DELE1: variants seen among roughly 807,000 people sequenced by gnomAD.
DELE1 encodes DAP3 binding cell death enhancer 1.
In DELE1, 54 loss-of-function variants were observed where a neutral mutation model predicts 59.3. The ratio of observed to expected loss-of-function variants is 0.91; its 90% CI spans 0.73 to 1.14. DELE1 has a LOEUF of 1.14. Ranked by LOEUF, DELE1 falls within the 50% of genes most tolerant of loss-of-function variation. DELE1 has a pLI of 0.00. For synonymous variants in DELE1, 264 were observed against 259.1 expected (o/e 1.02, Z -0.18); for missense variants, 636 against 643.9 (o/e 0.99, Z 0.13).
intron 11 of DELE1, among the ~76,000 whole-genome samples, chr5:141,938,234 T>G (rs1480906818): frequency 6.6e-6 from 1 of 152,194 alleles, no homozygotes. Context: ...ACTCATTAAG[T>G]TGTCATAAGG....
Position 141,941,864 on chromosome 5 carries a change from C to T in DELE1, c.*3105C>T, listed in dbSNP as rs1309644253. On this transcript the variant is annotated 3_prime_UTR_variant, in exon 12 of 12. Coordinates refer to ENST00000432126, the MANE Select transcript of DELE1 (RefSeq NM_014773.5). ...CACCCAATGCCCAGCACCAAGCCTA[C>T]CCAGCACATAGTAGGTACTTTAAGT... 1.0e-6 allele frequency: 1 copy of T among 985,136 alleles called. No individual in the cohort carries two copies. The highest frequency in any genetic ancestry group is 1.2e-6 in the Non-Finnish European group (1 of 829,870). The allele number at this position is 985,136 out of a possible 1,614,324, so 61.0% of individuals were successfully genotyped here.
Position 141,937,375 on chromosome 5 carries a change from A to G in DELE1, c.1309+18A>G, listed in dbSNP as rs1398885144. 5.6e-6 allele frequency: 9 copies of G among 1,613,020 alleles called. No individual in the cohort carries two copies. Among genetic ancestry groups the G allele is most frequent in the Non-Finnish European group, 7.6e-6 (9 of 1,179,800 alleles). On this transcript the variant is annotated intron_variant, in intron 11 of 11. Transcript: ENST00000432126. The stretch of plus-strand genomic sequence containing the variant: ...GGCTGCAGGTACAGACCCAAGTCCA[A>G]GCCAACAGGTTCATTCCCTGAGCTC...
At chr5:141,924,524 A>G (rs990676500) in intron 1 of DELE1, 57 bp from the exon 2 acceptor site, 2 of 979,690 alleles carry the variant, frequency 2.0e-6, no homozygotes, top group Non-Finnish European at 3.3e-6. Flanking sequence ...GCTGAGGCAG[A>G]TGACAGTGAT....
intron 7 of DELE1, among the ~76,000 whole-genome samples, chr5:141,931,869 C>T (rs1751939880): frequency 6.6e-6 from 1 of 152,098 alleles, no homozygotes; most frequent in Non-Finnish European, 1.5e-5. Context: ...TTGCCCATCC[C>T]TTCATTCATA....
At chr5:141,937,901 T>G (rs1335496236) in intron 11 of DELE1, among the ~76,000 whole-genome samples, 2 of 150,290 alleles carry the variant, frequency 1.3e-5, no homozygotes, top group Admixed American at 1.3e-4. Context: ...CTCGGCTCAC[T>G]GCAACCTCTG....
chr5:141,930,114 C>T (rs761164092), intron 6 of DELE1, 40 bp downstream of exon 6: 4 of 1,605,964 alleles, frequency 2.5e-6, no homozygotes, highest in South Asian at 1.1e-5. Context: ...CCATAACATT[C>T]TCTTGGGCAG....
chr5:141,929,825 G>C, intron 5 of DELE1, 85 bp downstream of exon 5: 5 of 1,557,260 alleles, frequency 3.2e-6, no homozygotes, highest in Admixed American at 1.7e-5. Context: ...GCTGCGAAGG[G>C]AATTGGCACT....
In DELE1 at chr5:141,941,468, G is replaced by A. The variant is rs1203572542; in HGVS notation, c.*2709G>A. On this transcript the variant is annotated 3_prime_UTR_variant, in exon 12 of 12. Transcript: ENST00000432126. ...CACTGCGGTCTTGATCCAGCCCCAG[G>A]GGGATGGGCTTCACTGGCAGAGCTG... 1.0e-6 allele frequency: 1 copy of A among 985,360 alleles called. No individual in the cohort carries two copies. Among genetic ancestry groups the A allele is most frequent in the Admixed American group, 6.1e-5 (1 of 16,262 alleles). 61.0% of individuals were successfully genotyped at this position (985,360 alleles called of 1,614,324 possible).
Position 141,941,525 on chromosome 5 carries a change from G to A in DELE1, c.*2766G>A. The A allele has an allele frequency of 2.0e-6, 2 of 985,434 alleles. No homozygotes were observed. Among genetic ancestry groups the A allele is most frequent in the South Asian group, 4.7e-5 (1 of 21,280 alleles). The allele number at this position is 985,434 out of a possible 1,614,324, so 61.0% of individuals were successfully genotyped here. ...GCTGTGCTTTTGCCATTAAAATTCT[G>A]TTATTAATGACTCATCATCAGTGCC... On this transcript the variant is annotated 3_prime_UTR_variant, in exon 12 of 12. Transcript: ENST00000432126.
chr5:141,928,599 T>G (rs948367404), intron 4 of DELE1, among the ~76,000 whole-genome samples: 4 of 152,226 alleles, frequency 2.6e-5, no homozygotes, highest in African/African-American at 9.6e-5. Context: ...TATTCTCTGG[T>G]CAGTCACTCA....
At chr5:141,937,125 T>G (rs1388072616) in intron 10 of DELE1, 73 bp from the exon 11 acceptor site, 1 of 1,590,860 alleles carries the variant, frequency 6.3e-7, no homozygotes, top group Non-Finnish European at 8.6e-7. Flanking sequence ...GACTTCATCT[T>G]CCTCCTCCCT....
In DELE1 at chr5:141,935,854, G is replaced by A. The variant is rs116518926; in HGVS notation, c.1149+1268G>A. ...GACCCAACACACTTCCACCCCACAG[G>A]GAATTGTGTCTTTCTGGGTTTGTAC... On this transcript the variant is annotated intron_variant, in intron 10 of 11. Coordinates refer to ENST00000432126, the MANE Select transcript of DELE1 (RefSeq NM_014773.5). Among the ~76,000 whole-genome samples the A allele has an allele frequency of 7.2e-3, 1,099 of 152,334 alleles. 7 individuals are homozygous for A. The highest frequency in any genetic ancestry group is 0.013 in the Non-Finnish European group (882 of 68,028).
At position 141,929,467 on chromosome 5, in the gene DELE1, C is replaced by T; in HGVS notation, c.413-115C>T. The T allele has an allele frequency of 2.7e-6, 3 of 1,113,134 alleles. No homozygotes were observed. In the South Asian group the frequency reaches 4.4e-5, roughly 16 times the overall value. The allele number at this position is 1,113,134 out of a possible 1,614,324, so 69.0% of individuals were successfully genotyped here. ...GTTTCACCATGTTGGCCAGGCTGGT[C>T]TTGAACTCCTGACCTCAGGTGATCC... On this transcript the variant is annotated intron_variant, in intron 4 of 11. Transcript: ENST00000432126.
At chr5:141,936,422 C>G (rs543512892) in intron 10 of DELE1, among the ~76,000 whole-genome samples, 29 of 151,978 alleles carry the variant, frequency 1.9e-4, no homozygotes, top group Non-Finnish European at 3.4e-4. Flanking sequence ...AAGAGCATAG[C>G]GTTTTTTGTT....
chr5:141,936,024 A>G (rs1387545041), intron 10 of DELE1, among the ~76,000 whole-genome samples: 1 of 151,214 alleles, frequency 6.6e-6, no homozygotes, highest in Non-Finnish European at 1.5e-5. Flanking sequence ...TGTGTAGACA[A>G]CTCTTCCCAG....
chr5:141,939,334 C>A lies in DELE1; in HGVS notation c.*575C>A. ...TGAATCAGTTTAAAGAAAAACATAA[C>A]GTAAAAGTGGGCACAGATCCAGAGA... On this transcript the variant is annotated 3_prime_UTR_variant, in exon 12 of 12. Coordinates refer to ENST00000432126, the MANE Select transcript of DELE1 (RefSeq NM_014773.5). 1 of 846,930 alleles carries A rather than the reference C, an allele frequency of 1.2e-6. No homozygotes were observed. The highest frequency in any genetic ancestry group is 1.4e-6 in the Non-Finnish European group (1 of 703,828). 52.5% of individuals were successfully genotyped at this position (846,930 alleles called of 1,614,324 possible).
chr5:141,940,677 A>C lies in DELE1; in HGVS notation c.*1918A>C, dbSNP rs1752687036. ...TGCCTCCTTTTCAGGGCTGCCCTGC[A>C]CACTGGCTCACCACTGTTGGACCCT... On this transcript the variant is annotated 3_prime_UTR_variant, in exon 12 of 12. Transcript: ENST00000432126. 1 of 983,366 alleles carries C rather than the reference A, an allele frequency of 1.0e-6. No homozygotes were observed. Among genetic ancestry groups the C allele is most frequent in the African/African-American group, 1.7e-5 (1 of 57,166 alleles). 60.9% of individuals were successfully genotyped at this position (983,366 alleles called of 1,614,324 possible). A position where few individuals can be genotyped will look rare whatever the true frequency, so the allele number is the denominator to read the frequency against.
Position 141,934,296 on chromosome 5 carries a change from C to G in DELE1, c.954C>G (p.Arg318=). 6.2e-7 allele frequency: 1 copy of G among 1,614,132 alleles called. No individual in the cohort carries two copies. The highest frequency in any genetic ancestry group is 2.2e-5 in the East Asian group (1 of 44,882). Residue 318 remains arginine (R), a synonymous_variant, in exon 9 of 12, where the codon CGC becomes CGG. Coordinates refer to ENST00000432126, the MANE Select transcript of DELE1 (RefSeq NM_014773.5). ...ASQGHSLAQY[R]YARCLLRDPA... is the part of the protein sequence containing the mutation. ...AGGGCCACAGCCTGGCTCAGTACCG[C>G]TATGCCAGGTGCCTACTACGAGACC...
At chr5:141,937,035 A>T in intron 10 of DELE1, 163 bp from the exon 11 acceptor site, 2 of 1,494,344 alleles carry the variant, frequency 1.3e-6, no homozygotes, top group South Asian at 1.3e-5. Context: ...AGCCTCTGGC[A>T]TTTCGTAGTT....
Sources: gnomAD v4.1 joint callset for allele counts (sites outside exome capture counted in the v4.1 genomes callset) on GRCh38, gnomAD v4.1.1 for gene constraint, MANE v1.5 for transcripts, NCBI Gene and HGNC (gene_info 2026-07-23, HGNC 2026-07-21) for gene names.